The following ITPR2 variants were observed in gnomAD, a reference collection of about 807,000 sequenced individuals.
ITPR2 encodes the protein inositol 1,4,5-trisphosphate-gated calcium channel ITPR2.
In ITPR2, 207 loss-of-function variants were observed where a neutral mutation model predicts 317.1. The observed-to-expected ratio is 0.65, with a 90% CI of 0.58 to 0.73. The LOEUF is 0.73. Among genes scored for constraint, ITPR2 ranks in the 30% least tolerant of loss-of-function variants. The pLI, the probability that ITPR2 is intolerant of heterozygous loss-of-function variation, is 0.00. For synonymous variants in ITPR2, 1,156 were observed against 1,149.1 expected (o/e 1.01, Z -0.12); for missense variants, 2,613 against 3,284.0 (o/e 0.80, Z 4.99).
intron 55 of ITPR2, among the ~76,000 whole-genome samples, chr12:26,386,411 T>A (rs966707730): frequency 6.6e-6 from 1 of 152,228 alleles, no homozygotes; most frequent in South Asian, 2.1e-4. Context: ...TTTTGTGACA[T>A]GTAAATATTG....
chr12:26,438,557 G>T (rs1214104093), intron 47 of ITPR2, among the ~76,000 whole-genome samples: 1 of 152,136 alleles, frequency 6.6e-6, no homozygotes, highest in Non-Finnish European at 1.5e-5. Context: ...ATAGACGTGG[G>T]ACCTAAGAGA....
At chr12:26,377,924 C>T (rs1939392470) in intron 55 of ITPR2, among the ~76,000 whole-genome samples, 1 of 152,042 alleles carries the variant, frequency 6.6e-6, no homozygotes. Context: ...CAAAATCCTC[C>T]TCATTTTTAG....
chr12:26,622,827 G>T (rs760468071), intron 24 of ITPR2, among the ~76,000 whole-genome samples: 14 of 152,160 alleles, frequency 9.2e-5, no homozygotes, highest in Non-Finnish European at 1.8e-4. Context: ...GGAGGCCAGC[G>T]CACATGTGCG....
At chr12:26,561,124 T>G (rs1944806969) in intron 35 of ITPR2, among the ~76,000 whole-genome samples, 2 of 152,138 alleles carry the variant, frequency 1.3e-5, no homozygotes, top group African/African-American at 4.8e-5. Flanking sequence ...AAGAAGGGAT[T>G]AGGACACAGA....
chr12:26,657,821 ACTT>A lies in ITPR2; in HGVS notation c.2075_2077del (p.Glu692del), dbSNP rs767590861. The A allele has an allele frequency of 6.3e-5, 102 of 1,614,030 alleles. No homozygotes were observed. The Admixed American group carries it at 9.7e-4, about 15-fold the overall frequency. On this transcript the variant is annotated inframe_deletion, in exon 18 of 57. Transcript: ENST00000381340. ...GTTGCTGTCAATCCAATAGAGCCAA[ACTT>A]CTTCATCATCAATGTCATCTGAAAG...
At chr12:26,538,840 G>A (rs1257940672) in intron 37 of ITPR2, among the ~76,000 whole-genome samples, 2 of 152,182 alleles carry the variant, frequency 1.3e-5, no homozygotes, top group South Asian at 2.1e-4. Context: ...CTCCCAAAGT[G>A]CTAGGATTAC....
chr12:26,681,812 C>G, intron 13 of ITPR2, 62 bp downstream of exon 13: 1 of 1,204,288 alleles, frequency 8.3e-7, no homozygotes, highest in Non-Finnish European at 1.2e-6. Context: ...TCATTCATAT[C>G]AGGCTTACTA....
chr12:26,782,335 T>C (rs1950112488), intron 2 of ITPR2, among the ~76,000 whole-genome samples: 1 of 149,956 alleles, frequency 6.7e-6, no homozygotes, highest in South Asian at 2.1e-4. Flanking sequence ...ACAAACAAAG[T>C]AGTATAATGA....
chr12:26,444,898 AC>A (rs1007672464), intron 45 of ITPR2, among the ~76,000 whole-genome samples: 4 of 152,132 alleles, frequency 2.6e-5, no homozygotes, highest in African/African-American at 9.7e-5. Context: ...CTAATCAATC[AC>A]TCAAGAAAAC....
At position 26,831,677 on chromosome 12, in the gene ITPR2, TAAATATATATATATATTCTACATA is replaced by T. The variant is rs1951104040; in HGVS notation, c.92+989_92+1012del. Among the ~76,000 whole-genome samples, 1 of 127,234 alleles carries T rather than the reference TAAATATATATATATATTCTACATA, an allele frequency of 7.9e-6. No homozygotes were observed. Among genetic ancestry groups the T allele is most frequent in the Non-Finnish European group, 1.8e-5 (1 of 56,092 alleles). 83.5% of individuals were successfully genotyped at this position (127,234 alleles called of 152,430 possible). ...ACCATTTGGCACACTGTTTTATATA[TAAATATATATATATATTCTACATA>T]AAATATATAAATATATATTCTACAT... On this transcript the variant is annotated intron_variant, in intron 1 of 56. Transcript: ENST00000381340. This position sits in a 1 kb window ranked among gnomAD's most constrained non-coding sequence, Gnocchi z 4.9.
chr12:26,708,708 C>T (rs1328569218), intron 9 of ITPR2, among the ~76,000 whole-genome samples: 2 of 152,080 alleles, frequency 1.3e-5, no homozygotes, highest in Admixed American at 6.5e-5. Context: ...CAGGGTAATA[C>T]ACAGTTAACA....
Position 26,550,247 on chromosome 12 carries a change from C to G in ITPR2, c.5073G>C (p.Glu1691Asp), listed in dbSNP as rs1565597006. Residue 1691 changes from glutamate (E) to aspartate (D), a missense_variant and splice_region_variant, in exon 37 of 57, where the codon GAG becomes GAC. Coordinates refer to ENST00000381340, the MANE Select transcript of ITPR2 (RefSeq NM_002223.4). ...MLEKKDSFVE[E>D]GNTLRKILLN... ...ATAATAAAGTTTTTTAAAAAAATAC[C>G]TCTTCCACAAAGCTGTCTTTCTTCT... 1.5e-6 allele frequency: 2 copies of G among 1,320,328 alleles called. No individual in the cohort carries two copies. The highest frequency in any genetic ancestry group is 1.3e-5 in the South Asian group (1 of 77,768). 81.8% of individuals were successfully genotyped at this position (1,320,328 alleles called of 1,614,324 possible).
Position 26,475,406 on chromosome 12 carries a change from T to G in ITPR2, c.6232A>C (p.Lys2078Gln). ...TCCAATCCTTGGTTATAGGCATTCT[T>G]CATCACATCCACCTATCCAAAAAAA... is the stretch of plus-strand genomic sequence containing the variant. Reference protein sequence around the residue: ...MRPRELVDVMKNAYNQGLECD... With the variant: ...MRPRELVDVMQNAYNQGLECD... The change falls in exon 45 of 57, where the codon AAG becomes CAG. Residue 2078 changes from lysine to glutamine, a missense_variant. Coordinates refer to ENST00000381340, the MANE Select transcript of ITPR2 (RefSeq NM_002223.4). 6.2e-7 allele frequency: 1 copy of G among 1,613,420 alleles called. No homozygotes were observed. Among genetic ancestry groups the G allele is most frequent in the Non-Finnish European group, 8.5e-7 (1 of 1,179,724 alleles).
At chr12:26,484,086 T>C (rs1357397451) in intron 41 of ITPR2, among the ~76,000 whole-genome samples, 188 bp from the exon 42 acceptor site, 1 of 151,652 alleles carries the variant, frequency 6.6e-6, no homozygotes, top group Admixed American at 6.6e-5. Flanking sequence ...TATATATATA[T>C]ATACACACAC....
chr12:26,500,172 A>T lies in ITPR2; in HGVS notation c.5074-4912T>A, dbSNP rs192342625. ...CCAATTTGCTTTTGGGGCATTCTTGATAGTTTGCACTATCTGTGCAGTGGT... is the reference window on the plus strand; with the variant it reads ...CCAATTTGCTTTTGGGGCATTCTTGTTAGTTTGCACTATCTGTGCAGTGGT... On this transcript the variant is annotated intron_variant, in intron 37 of 56. Coordinates refer to ENST00000381340, the MANE Select transcript of ITPR2 (RefSeq NM_002223.4). Among the ~76,000 whole-genome samples the T allele has an allele frequency of 6.0e-4, 92 of 152,326 alleles. 1 individual carries two copies. In the East Asian group the frequency reaches 0.017, roughly 29 times the overall value.
intron 45 of ITPR2, among the ~76,000 whole-genome samples, chr12:26,444,749 A>AATT (rs371382556): frequency 0.055 from 139 of 2,532 alleles, 1 homozygote; most frequent in Middle Eastern, 0.17. Context: ...ATGAATTTTA[A>AATT]ATAATTCAGA....
chr12:26,572,328 C>T (rs372082790), intron 34 of ITPR2, among the ~76,000 whole-genome samples: 1 of 152,108 alleles, frequency 6.6e-6, no homozygotes, highest in African/African-American at 2.4e-5. Flanking sequence ...GCCACATAAT[C>T]AAGCAGAACT....
In ITPR2 at chr12:26,439,332, A is replaced by C; in HGVS notation, c.6451-13T>G. ...CATGCCGGACAATCTGAAAACATTA[A>C]TTTGCATTGTTTTTAGCCTTTCGGA... On this transcript the variant is annotated splice_polypyrimidine_tract_variant and intron_variant, in intron 46 of 56. Coordinates refer to ENST00000381340, the MANE Select transcript of ITPR2 (RefSeq NM_002223.4). 2.5e-6 allele frequency: 4 copies of C among 1,581,840 alleles called. No homozygotes were observed. The highest frequency in any genetic ancestry group is 3.4e-6 in the Non-Finnish European group (4 of 1,163,314).
intron 32 of ITPR2, among the ~76,000 whole-genome samples, chr12:26,585,607 G>T (rs1945506512): frequency 6.6e-6 from 1 of 152,014 alleles, no homozygotes; most frequent in South Asian, 2.1e-4. Context: ...GTTTCGCCAT[G>T]TTTCCCAGGC....
Sources: allele counts gnomAD v4.1 joint callset (sites outside exome capture counted in the v4.1 genomes callset), GRCh38; gene constraint gnomAD v4.1.1; non-coding constraint Gnocchi (gnomAD v3.1); transcripts MANE v1.5; gene names NCBI Gene and HGNC (gene_info 2026-07-23, HGNC 2026-07-21).